DLGAP2: variants seen among roughly 807,000 people sequenced by gnomAD.
DLGAP2 encodes the protein DLG associated protein 2.
Under a neutral mutation model 100.3 loss-of-function variants are expected in DLGAP2, and 26 were observed. The ratio of observed to expected loss-of-function variants is 0.26; its 90% CI spans 0.19 to 0.36. The LOEUF (loss-of-function observed/expected upper bound fraction) is 0.36. Among genes scored for constraint, DLGAP2 ranks in the 10% least tolerant of loss-of-function variants. DLGAP2 has a pLI of 1.00. For synonymous variants in DLGAP2, 886 were observed against 630.1 expected (o/e 1.41, Z -6.08); for missense variants, 1,858 against 1,453.2 (o/e 1.28, Z -4.53).
At chr8:1,525,634 A>C (rs1313125095) in intron 4 of DLGAP2, among the ~76,000 whole-genome samples, 1 of 152,244 alleles carries the variant, frequency 6.6e-6, no homozygotes, top group Non-Finnish European at 1.5e-5. Flanking sequence ...TAGTAGATTT[A>C]AAAAGTCACC....
At chr8:997,193 C>T (rs1345297527) in intron 2 of DLGAP2, among the ~76,000 whole-genome samples, 1 of 152,166 alleles carries the variant, frequency 6.6e-6, no homozygotes, top group African/African-American at 2.4e-5. Flanking sequence ...ATTCACTTAG[C>T]AACAGCATGC....
chr8:1,454,355 G>T (rs1228854210), intron 3 of DLGAP2, among the ~76,000 whole-genome samples: 2 of 145,630 alleles, frequency 1.4e-5, no homozygotes, highest in African/African-American at 2.5e-5. Context: ...CCTCTGTAAC[G>T]TTTTTTTTTT....
chr8:1,589,920 A>G (rs1402898043), intron 6 of DLGAP2, among the ~76,000 whole-genome samples: 1 of 152,190 alleles, frequency 6.6e-6, no homozygotes, highest in Non-Finnish European at 1.5e-5. Flanking sequence ...TGGGGCTGCC[A>G]TAACAAAGTA....
At chr8:955,561 C>T (rs912986903) in intron 2 of DLGAP2, among the ~76,000 whole-genome samples, 7 of 152,190 alleles carry the variant, frequency 4.6e-5, no homozygotes, top group African/African-American at 1.7e-4. Flanking sequence ...TCTGCCTTAA[C>T]AGGGTTGCTG....
chr8:739,471 C>G (rs956153488), intron 1 of DLGAP2: 3 of 152,278 alleles, frequency 2.0e-5, no homozygotes, highest in African/African-American at 7.2e-5. Flanking sequence ...GCGCTAAACC[C>G]CGGCCCCAGC....
intron 4 of DLGAP2, among the ~76,000 whole-genome samples, chr8:1,510,976 G>T (rs1307403284): frequency 6.6e-6 from 1 of 152,332 alleles, no homozygotes; most frequent in African/African-American, 2.4e-5. Context: ...AATGAGTTAG[G>T]CTTCTCCAGA....
intron 3 of DLGAP2, among the ~76,000 whole-genome samples, chr8:1,333,519 G>T (rs759884149): frequency 6.6e-6 from 1 of 152,046 alleles, no homozygotes; most frequent in Admixed American, 6.5e-5. Context: ...TTCACACCCC[G>T]TTTCTCCTCC....
Position 1,676,915 on chromosome 8 carries a change from G to A in DLGAP2, c.2288+297G>A, listed in dbSNP as rs555982800. On this transcript the variant is annotated intron_variant, in intron 11 of 14. Coordinates refer to ENST00000637795, the MANE Select transcript of DLGAP2 (RefSeq NM_001346810.2). ...GATCCAAAGGAAAGAAGGACGGGCT[G>A]AGGGTGACGCCAATGCAGGCCTTAC... is the stretch of plus-strand genomic sequence containing the variant. 3.3e-5 allele frequency among the ~76,000 whole-genome samples: 5 copies of A among 152,360 alleles called. No individual in the cohort carries two copies. The East Asian group carries it at 5.8e-4, about 18-fold the overall frequency.
intron 8 of DLGAP2, among the ~76,000 whole-genome samples, chr8:1,665,471 A>T (rs1460400699): frequency 1.3e-5 from 2 of 152,200 alleles, no homozygotes; most frequent in African/African-American, 2.4e-5. Flanking sequence ...CCTCGCTGGG[A>T]AAATCCAACC....
In DLGAP2 at chr8:1,564,023, TCTC is replaced by T. The variant is rs1265492171; in HGVS notation, c.1231-1657_1231-1655del. ...TAAACAGCATTTGGGGAGATTCTCT[TCTC>T]CTACATGAAAAACATGCTATGTTAG... is the stretch of plus-strand genomic sequence containing the variant. On this transcript the variant is annotated intron_variant, in intron 5 of 14. Transcript: ENST00000637795. Among the ~76,000 whole-genome samples the T allele has an allele frequency of 2.0e-5, 3 of 152,328 alleles. No individual in the cohort carries two copies. In the East Asian group the frequency reaches 5.8e-4, roughly 29 times the overall value.
intron 3 of DLGAP2, among the ~76,000 whole-genome samples, chr8:1,359,939 G>A (rs778976791): frequency 1.4e-4 from 21 of 152,338 alleles, no homozygotes; most frequent in Admixed American, 3.3e-4. Flanking sequence ...ACTTAAACAG[G>A]ACCGTCCTGA....
chr8:804,650 T>C (rs950332257), intron 1 of DLGAP2, among the ~76,000 whole-genome samples: 2 of 152,248 alleles, frequency 1.3e-5, no homozygotes, highest in Non-Finnish European at 2.9e-5. Context: ...TTCATTATGT[T>C]CTCTCTTTTC....
At chr8:977,661 A>G (rs548212543) in intron 2 of DLGAP2, among the ~76,000 whole-genome samples, 6 of 152,366 alleles carry the variant, frequency 3.9e-5, no homozygotes, top group Admixed American at 3.3e-4. Context: ...AAATATAATT[A>G]GAACATTTTC....
chr8:1,510,865 C>T (rs942384666), intron 4 of DLGAP2, among the ~76,000 whole-genome samples: 17 of 152,210 alleles, frequency 1.1e-4, no homozygotes, highest in African/African-American at 3.9e-4. Context: ...AAACTGAGGT[C>T]GGTGTTACAT....
chr8:753,207 G>A lies in DLGAP2; in HGVS notation c.18+15382G>A, dbSNP rs539611153. On this transcript the variant is annotated intron_variant, in intron 1 of 14. Coordinates refer to ENST00000637795, the MANE Select transcript of DLGAP2 (RefSeq NM_001346810.2). Reference sequence around the variant, plus strand: ...TGTTGCTGCGGACCCCGTCACTTACGCAGAGGAGGGGCCCGGTATTTATGA... The same window carrying A: ...TGTTGCTGCGGACCCCGTCACTTACACAGAGGAGGGGCCCGGTATTTATGA... Among the ~76,000 whole-genome samples, 23 of 152,278 alleles carry A rather than the reference G, an allele frequency of 1.5e-4. 1 individual carries two copies. Among genetic ancestry groups the A allele is most frequent in the African/African-American group, 5.1e-4 (21 of 41,566 alleles).
intron 1 of DLGAP2, among the ~76,000 whole-genome samples, chr8:799,521 C>G (rs531228539): frequency 6.6e-6 from 1 of 152,300 alleles, no homozygotes; most frequent in South Asian, 2.1e-4. Context: ...CTCTGTGTAC[C>G]TAACAGCGTC....
At chr8:1,343,729 C>T (rs989391778) in intron 3 of DLGAP2, among the ~76,000 whole-genome samples, 12 of 151,824 alleles carry the variant, frequency 7.9e-5, no homozygotes, top group Middle Eastern at 6.8e-3. Context: ...TTAGAGGCTC[C>T]GATGTGCACG....
chr8:1,663,658 C>G (rs1185819057), intron 8 of DLGAP2, among the ~76,000 whole-genome samples: 2 of 152,144 alleles, frequency 1.3e-5, no homozygotes, highest in Non-Finnish European at 2.9e-5. Flanking sequence ...AACTTCGACT[C>G]ACAGGGGAGG....
rs1395779803 is a variant in DLGAP2 at position 1,372,530 on chromosome 8, C to A, written c.106+113647C>A. On this transcript the variant is annotated intron_variant, in intron 3 of 14. Transcript: ENST00000637795. Reference sequence around the variant, plus strand: ...CATAATTCCTCTTCATGGGCACCGTCTTGTGTATTGCAGGGTTTTAGGAGC... The same window carrying A: ...CATAATTCCTCTTCATGGGCACCGTATTGTGTATTGCAGGGTTTTAGGAGC... Among the ~76,000 whole-genome samples, 3 of 152,140 alleles carry A rather than the reference C, an allele frequency of 2.0e-5. No homozygotes were observed. In the East Asian group the frequency reaches 5.8e-4, roughly 29 times the overall value.
Sources: allele counts gnomAD v4.1 joint callset (sites outside exome capture counted in the v4.1 genomes callset), GRCh38; gene constraint gnomAD v4.1.1; transcripts MANE v1.5; gene names NCBI Gene and HGNC (gene_info 2026-07-23, HGNC 2026-07-21).